ABHD18: variants seen among roughly 807,000 people sequenced by gnomAD.
ABHD18 encodes the protein cardiolipin-specific deacylase, mitochondrial.
In ABHD18, 55 loss-of-function variants were observed where a neutral mutation model predicts 65.9. That is an observed-to-expected ratio of 0.84 (90% CI 0.67 to 1.05). The LOEUF is 1.05. Among genes scored for constraint, ABHD18 ranks in the 50% least tolerant of loss-of-function variants. The probability of loss-of-function intolerance (pLI) is 0.00; values close to 1 mark genes in which losing one functional copy is unlikely to be tolerated. For missense variants in ABHD18, 533 were observed against 558.5 expected, an observed-to-expected ratio of 0.95 and a Z score of 0.46; for synonymous variants, 181 against 180.2, an observed-to-expected ratio of 1.00 and a Z score of -0.04.
At chr4:127,991,318 C>A (rs1477873836) in intron 4 of ABHD18, among the ~76,000 whole-genome samples, 1 of 152,178 alleles carries the variant, frequency 6.6e-6, no homozygotes, top group Admixed American at 6.5e-5. Flanking sequence ...CCTCCGCCTC[C>A]CGGGTTCAGG....
rs1750609829 is a variant in ABHD18, at chr4:127,989,752, A to G, written c.209A>G (p.Asp70Gly). 3 of 1,601,698 alleles carry G rather than the reference A, an allele frequency of 1.9e-6. No individual in the cohort carries two copies. Among genetic ancestry groups the G allele is most frequent in the Non-Finnish European group, 2.6e-6 (3 of 1,173,928 alleles). ...GAGCAATCAGATTGTAAGATCTTAG[A>G]TGGACACTTTGTTTCCCCCATGGCT... ...IEEQSDCKILDGHFVSPMAHY... is the reference protein window; with the variant it reads ...IEEQSDCKILGGHFVSPMAHY... The change falls in exon 4 of 13, where the codon GAT (aspartate) becomes GGT (glycine). Residue 70 changes from aspartate to glycine, a missense_variant. This residue lies in a region of ABHD18 where 309 missense variants were observed against 313.5 expected (regional missense o/e 0.99). Transcript: ENST00000645843.
At chr4:127,977,774 T>A (rs80257872) in intron 1 of ABHD18, among the ~76,000 whole-genome samples, 1 of 128,830 alleles carries the variant, frequency 7.8e-6, no homozygotes, top group Non-Finnish European at 1.8e-5. Flanking sequence ...TTAGAATAAA[T>A]TTTTTTTTTA....
intron 6 of ABHD18, among the ~76,000 whole-genome samples, chr4:128,010,591 A>G (rs1276412600): frequency 1.3e-5 from 2 of 151,968 alleles, no homozygotes; most frequent in Admixed American, 6.6e-5. Flanking sequence ...GGTATGCAAA[A>G]AAAAACTAAA....
chr4:128,035,790 T>G lies in ABHD18; in HGVS notation c.1372T>G (p.Phe458Val). The change falls in exon 13 of 13, where the codon TTC (phenylalanine) becomes GTC (valine). Residue 458 changes from phenylalanine to valine, a missense_variant. Transcript: ENST00000645843. ...AGCCATCTATGATGCATTTGACCGC[T>G]TCCTCCATAAATACGCTAACTAGTT... ...RQAIYDAFDRFLHKYAN is the reference protein window; with the variant it reads ...RQAIYDAFDRVLHKYAN The G allele has an allele frequency of 6.5e-7, 1 of 1,539,114 alleles. No individual in the cohort carries two copies.
intron 7 of ABHD18, among the ~76,000 whole-genome samples, chr4:128,015,798 G>T (rs533599211): frequency 9.2e-5 from 14 of 152,042 alleles, no homozygotes; most frequent in Non-Finnish European, 2.1e-4. Flanking sequence ...GTATACTTTG[G>T]CAAGGTTTCA....
chr4:127,981,004 C>T (rs1332093117), intron 1 of ABHD18, among the ~76,000 whole-genome samples: 1 of 151,750 alleles, frequency 6.6e-6, no homozygotes, highest in Non-Finnish European at 1.5e-5. Flanking sequence ...CTGTGCTTTA[C>T]CCACTGGGTA....
At chr4:127,985,971 C>T (rs912760899) in intron 3 of ABHD18, among the ~76,000 whole-genome samples, 10 of 152,004 alleles carry the variant, frequency 6.6e-5, no homozygotes, top group South Asian at 2.1e-4. Flanking sequence ...ACCAAGATCG[C>T]GCCACAGCAC....
rs1029217537 is a variant in ABHD18 at position 128,039,902 on chromosome 4, A to C, written c.*4089A>C. On this transcript the variant is annotated 3_prime_UTR_variant, in exon 13 of 13. Coordinates refer to ENST00000645843, the MANE Select transcript of ABHD18 (RefSeq NM_001358451.3). ...TCAGTATCTCTATAAAAATAACCAAAATTTTCCCCAAATATGTGTGATCTG... is the reference window on the plus strand; with the variant it reads ...TCAGTATCTCTATAAAAATAACCAACATTTTCCCCAAATATGTGTGATCTG... 1 of 152,160 alleles carries C rather than the reference A, an allele frequency of 6.6e-6. No individual in the cohort carries two copies. The highest frequency in any genetic ancestry group is 2.4e-5 in the African/African-American group (1 of 41,434). The allele number at this position is 152,160 out of a possible 1,614,324, so 9.4% of individuals were successfully genotyped here.
chr4:128,005,229 A>G lies in ABHD18; in HGVS notation c.279-3691A>G, dbSNP rs80169234. Reference sequence around the variant, plus strand: ...TTGCAACCAGTGAGACTCTGTCTCAAAAAAAAATTGTACATATCCAAAACA... The same window carrying G: ...TTGCAACCAGTGAGACTCTGTCTCAGAAAAAAATTGTACATATCCAAAACA... On this transcript the variant is annotated intron_variant, in intron 4 of 12. Transcript: ENST00000645843. Among the ~76,000 whole-genome samples the G allele has an allele frequency of 5.3e-4, 80 of 152,208 alleles. No homozygotes were observed. The East Asian group carries it at 0.014, about 26-fold the overall frequency.
chr4:128,018,661 A>T (rs957871640), intron 8 of ABHD18, among the ~76,000 whole-genome samples: 2 of 152,014 alleles, frequency 1.3e-5, no homozygotes, highest in African/African-American at 4.8e-5. Context: ...AATAATTATT[A>T]TTATATGAAG....
At chr4:128,022,871 A>G (rs967567096) in intron 10 of ABHD18, among the ~76,000 whole-genome samples, 8 of 151,742 alleles carry the variant, frequency 5.3e-5, no homozygotes, top group African/African-American at 1.9e-4. Flanking sequence ...CCCAGATTCA[A>G]GCAATTCTCC....
At chr4:127,981,692 G>GTGGTA (rs1283082053) in intron 1 of ABHD18, among the ~76,000 whole-genome samples, 1 of 152,134 alleles carries the variant, frequency 6.6e-6, no homozygotes, top group Non-Finnish European at 1.5e-5. Flanking sequence ...TTTATGTATA[G>GTGGTA]TGGTAGACAC....
chr4:128,021,273 G>A (rs536190381), intron 10 of ABHD18, 35 bp downstream of exon 10: 3 of 1,213,614 alleles, frequency 2.5e-6, no homozygotes, highest in African/African-American at 1.5e-5. Flanking sequence ...CATTGGTGGT[G>A]GGGGGAGTTG....
chr4:128,021,009 G>T, intron 9 of ABHD18, 128 bp from the exon 10 acceptor site: 1 of 571,910 alleles, frequency 1.7e-6, no homozygotes, highest in South Asian at 2.5e-5. Context: ...ACTCCAGCCT[G>T]GGCAACAGAG....
intron 10 of ABHD18, among the ~76,000 whole-genome samples, chr4:128,026,607 G>A (rs970852978): frequency 9.2e-5 from 14 of 152,014 alleles, no homozygotes; most frequent in Non-Finnish European, 1.9e-4. Flanking sequence ...TGTAATATGA[G>A]TTGCAAATAT....
Position 128,020,180 on chromosome 4 carries a change from T to C in ABHD18, c.699+11T>C. The C allele has an allele frequency of 6.3e-7, 1 of 1,598,644 alleles. No homozygotes were observed. The highest frequency in any genetic ancestry group is 8.6e-7 in the Non-Finnish European group (1 of 1,167,520). On this transcript the variant is annotated intron_variant, in intron 9 of 12. Coordinates refer to ENST00000645843, the MANE Select transcript of ABHD18 (RefSeq NM_001358451.3). ...GGGGTCTTCACTACGGTAATTTAAT[T>C]GTAATTAATATTAGGTAGCTATATA...
rs1758862626 is a variant in ABHD18 at position 128,036,119 on chromosome 4, TA to T, written c.*309del. 1.1e-5 allele frequency: 2 copies of T among 182,766 alleles called. No homozygotes were observed. Among genetic ancestry groups the T allele is most frequent in the African/African-American group, 4.7e-5 (2 of 42,646 alleles). 11.3% of individuals were successfully genotyped at this position (182,766 alleles called of 1,614,324 possible). On this transcript the variant is annotated 3_prime_UTR_variant, in exon 13 of 13. Coordinates refer to ENST00000645843, the MANE Select transcript of ABHD18 (RefSeq NM_001358451.3). ...AAATTTTTAATCATGAATAATTTAT[TA>T]AATTAAATAAATTTATTCATAGAAA...
intron 4 of ABHD18, among the ~76,000 whole-genome samples, chr4:127,992,408 G>A (rs553853091): frequency 1.1e-4 from 16 of 152,138 alleles, no homozygotes; most frequent in Non-Finnish European, 5.9e-5. Context: ...CTGGGAGGCC[G>A]AGGTTGCAGT....
chr4:128,007,855 A>G (rs1753874156), intron 4 of ABHD18, among the ~76,000 whole-genome samples: 2 of 152,168 alleles, frequency 1.3e-5, no homozygotes, highest in Non-Finnish European at 2.9e-5. Flanking sequence ...ATCAGATTCT[A>G]TCATATACTA....
Sources: gnomAD v4.1 joint callset for allele counts (sites outside exome capture counted in the v4.1 genomes callset) on GRCh38, gnomAD v4.1.1 for gene constraint, gnomAD v4.1.1 regional missense constraint, MANE v1.5 for transcripts, NCBI Gene and HGNC (gene_info 2026-07-23, HGNC 2026-07-21) for gene names.